STX11: variants seen among roughly 807,000 people sequenced by gnomAD.
STX11 encodes the protein syntaxin-11.
In STX11, 21 loss-of-function variants were observed where a neutral mutation model predicts 19.9. The observed-to-expected ratio is 1.06, with a 90% confidence interval of 0.75 to 1.52. STX11 has a LOEUF of 1.52. Among genes scored for constraint, STX11 ranks in the 40% most tolerant of loss-of-function variants. The probability of loss-of-function intolerance (pLI) is 0.00; values close to 1 mark genes in which losing one functional copy is unlikely to be tolerated. For missense variants in STX11, 438 were observed against 405.9 expected (o/e 1.08, Z -0.68); for synonymous variants, 193 against 174.4 (o/e 1.11, Z -0.84).
At chr6:144,142,580 C>T in the STX11 span, among the ~76,000 whole-genome samples, 13 of 151,890 alleles carry the variant, frequency 8.6e-5, no homozygotes, top group Middle Eastern at 3.4e-3. Context: ...AATACTATTC[C>T]GCCATAAAAG....
the STX11 span, among the ~76,000 whole-genome samples, chr6:144,140,454 C>T: frequency 2.0e-5 from 3 of 151,566 alleles, no homozygotes; most frequent in African/African-American, 2.4e-5. Context: ...GGGGTTTCGC[C>T]GTGTTGGCCA....
At position 144,190,100 on chromosome 6, in the gene STX11, T is replaced by C. The variant is rs895170602; in HGVS notation, c.*2609T>C. ...GGAGAGTTCGGTACAGACTGTCCAT[T>C]ACTGCACCAAAAGAATGAGTGAACT... On this transcript the variant is annotated 3_prime_UTR_variant, in exon 2 of 2. Transcript: ENST00000367568. Among the ~76,000 whole-genome samples, 1 of 152,248 alleles carries C rather than the reference T, an allele frequency of 6.6e-6. No individual in the cohort carries two copies. The highest frequency in any genetic ancestry group is 2.4e-5 in the African/African-American group (1 of 41,468).
chr6:144,150,770 G>T, intron 1 of STX11, 67 bp downstream of exon 1: 1 of 917,398 alleles, frequency 1.1e-6, no homozygotes, highest in Non-Finnish European at 1.3e-6. Flanking sequence ...CGGAGAGATC[G>T]GGGAGGGCGG....
rs556313030 is a variant in STX11, at chr6:144,152,544, C to G, written c.-6+1841C>G. The stretch of plus-strand genomic sequence containing the variant: ...TTTAATAACCATGTAAAACGAAATT[C>G]AGCTGATTATCACCCCTGGACAATT... On this transcript the variant is annotated intron_variant, in intron 1 of 1. Transcript: ENST00000367568. This position sits in a 1 kb window ranked among gnomAD's most constrained non-coding sequence, Gnocchi z 4.9. Among the ~76,000 whole-genome samples, 48 of 152,170 alleles carry G rather than the reference C, an allele frequency of 3.2e-4. No individual in the cohort carries two copies. Among genetic ancestry groups the G allele is most frequent in the Non-Finnish European group, 6.2e-4 (42 of 68,024 alleles).
chr6:144,145,250 C>A, the STX11 span, among the ~76,000 whole-genome samples: 2 of 152,178 alleles, frequency 1.3e-5, no homozygotes, highest in Non-Finnish European at 2.9e-5. Context: ...ATGCTACATA[C>A]AGCATGGATA....
At chr6:144,147,239 T>C (rs1800892956), upstream of STX11, among the ~76,000 whole-genome samples, 1 of 152,130 alleles carries the variant, frequency 6.6e-6, no homozygotes, top group Non-Finnish European at 1.5e-5. This position sits in a 1 kb window ranked among gnomAD's most constrained non-coding sequence, Gnocchi z 4.2. Flanking sequence ...TCATCTGATG[T>C]TTTTATTCTT....
At chr6:144,143,134 C>T in the STX11 span, among the ~76,000 whole-genome samples, 1 of 152,036 alleles carries the variant, frequency 6.6e-6, no homozygotes, top group African/African-American at 2.4e-5. Flanking sequence ...AAAAGATTTG[C>T]CTGTGAATCT....
Position 144,151,427 on chromosome 6 carries a change from G to A in STX11, c.-6+724G>A, listed in dbSNP as rs1176943600. ...ACAGGTATCCAAAAATGAGTCACAG[G>A]GCTGCTCTCTTAATTGTGAGACTTT... On this transcript the variant is annotated intron_variant, in intron 1 of 1. Transcript: ENST00000367568. The surrounding 1 kb of genome is among the most constrained non-coding windows in gnomAD (Gnocchi z 4.6). 1 of 985,206 alleles carries A rather than the reference G, an allele frequency of 1.0e-6. No individual in the cohort carries two copies. Among genetic ancestry groups the A allele is most frequent in the Non-Finnish European group, 1.2e-6 (1 of 829,902 alleles). The allele number at this position is 985,206 out of a possible 1,614,324, so 61.0% of individuals were successfully genotyped here.
Position 144,188,466 on chromosome 6 carries a change from A to G in STX11, c.*975A>G. The G allele has an allele frequency of 4.5e-6, 1 of 220,690 alleles. No homozygotes were observed. The allele number at this position is 220,690 out of a possible 1,614,324, so 13.7% of individuals were successfully genotyped here. A position where few individuals can be genotyped will look rare whatever the true frequency, so the allele number is the denominator to read the frequency against. On this transcript the variant is annotated 3_prime_UTR_variant, in exon 2 of 2. Transcript: ENST00000367568. ...TTTGGGTCAAACTTCATGTTAAACA[A>G]CTCTGCATTGGTTATGGCGGTAGAC...
rs1562672590 is a variant in STX11, at chr6:144,188,685, T to G, written c.*1194T>G. Among the ~76,000 whole-genome samples, 1 of 151,918 alleles carries G rather than the reference T, an allele frequency of 6.6e-6. No homozygotes were observed. Among genetic ancestry groups the G allele is most frequent in the Non-Finnish European group, 1.5e-5 (1 of 68,000 alleles). ...TTTATACATTTCTGGCTTGACCATT[T>G]AGTTTACTTTCTCAATTATTGTTAA... On this transcript the variant is annotated 3_prime_UTR_variant, in exon 2 of 2. Transcript: ENST00000367568.
Position 144,180,692 on chromosome 6 carries a change from T to G in STX11, c.-5-5931T>G, listed in dbSNP as rs1005469664. Among the ~76,000 whole-genome samples, 1 of 152,206 alleles carries G rather than the reference T, an allele frequency of 6.6e-6. No homozygotes were observed. Among genetic ancestry groups the G allele is most frequent in the African/African-American group, 2.4e-5 (1 of 41,448 alleles). On this transcript the variant is annotated intron_variant, in intron 1 of 1. Coordinates refer to ENST00000367568, the MANE Select transcript of STX11 (RefSeq NM_003764.4). The surrounding 1 kb of genome is among the most constrained non-coding windows in gnomAD (Gnocchi z 5.3). ...GTCTTGGGTATGTCTTTATCAGCAG[T>G]GTGAAAATGGACTAATACAATGTGA...
upstream of STX11, among the ~76,000 whole-genome samples, chr6:144,148,172 A>C (rs1437961499): frequency 2.6e-5 from 4 of 152,118 alleles, no homozygotes; most frequent in Non-Finnish European, 5.9e-5. Context: ...AAATGTAAAG[A>C]CTATCATGAC....
chr6:144,140,245 TATA>T, the STX11 span, among the ~76,000 whole-genome samples: 11 of 49,966 alleles, frequency 2.2e-4, no homozygotes, highest in African/African-American at 1.6e-3. Flanking sequence ...TATATATATA[TATA>T]TATATATTTA....
chr6:144,157,630 A>C (rs1164743549), intron 1 of STX11, among the ~76,000 whole-genome samples: 1 of 152,152 alleles, frequency 6.6e-6, no homozygotes, highest in Non-Finnish European at 1.5e-5. Flanking sequence ...AAGTAGTCTT[A>C]ATCCTAAGAA....
intron 1 of STX11, 110 bp from the exon 2 acceptor site, chr6:144,186,513 C>G: frequency 7.2e-7 from 1 of 1,388,292 alleles, no homozygotes; most frequent in Non-Finnish European, 1.0e-6. Flanking sequence ...TTGCCCACAC[C>G]GAGGAATACA....
At chr6:144,143,717 G>A in the STX11 span, among the ~76,000 whole-genome samples, 9 of 152,200 alleles carry the variant, frequency 5.9e-5, no homozygotes, top group African/African-American at 1.7e-4. Flanking sequence ...GTCAGAGAAC[G>A]GGTGGGAGGG....
Position 144,177,607 on chromosome 6 carries a change from G to A in STX11, c.-5-9016G>A, listed in dbSNP as rs376090879. Among the ~76,000 whole-genome samples, 2 of 152,244 alleles carry A rather than the reference G, an allele frequency of 1.3e-5. No homozygotes were observed. The highest frequency in any genetic ancestry group is 2.4e-5 in the African/African-American group (1 of 41,548). ...ACTAAAAACACACAAAAAATTAGCC[G>A]GGTGTGGTGGTGCACACCTGTAATC... On this transcript the variant is annotated intron_variant, in intron 1 of 1. Coordinates refer to ENST00000367568, the MANE Select transcript of STX11 (RefSeq NM_003764.4). This position sits in a 1 kb window ranked among gnomAD's most constrained non-coding sequence, Gnocchi z 4.4.
At chr6:144,161,664 G>A (rs1365975127) in intron 1 of STX11, among the ~76,000 whole-genome samples, 2 of 152,086 alleles carry the variant, frequency 1.3e-5, no homozygotes, top group Non-Finnish European at 2.9e-5. Context: ...CACCGCACCC[G>A]GCCGGAAAAT....
rs533528909 is a variant in STX11 at position 144,177,633 on chromosome 6, C to G, written c.-5-8990C>G. 6.6e-6 allele frequency among the ~76,000 whole-genome samples: 1 copy of G among 152,112 alleles called. No individual in the cohort carries two copies. Among genetic ancestry groups the G allele is most frequent in the Admixed American group, 6.5e-5 (1 of 15,272 alleles). On this transcript the variant is annotated intron_variant, in intron 1 of 1. Transcript: ENST00000367568. This position sits in a 1 kb window ranked among gnomAD's most constrained non-coding sequence, Gnocchi z 4.4. ...GGTGTGGTGGTGCACACCTGTAATC[C>G]CAGCTACTCAGGAGGCTGAGGCAGG... is the stretch of plus-strand genomic sequence containing the variant.
Sources: allele counts gnomAD v4.1 joint callset (sites outside exome capture counted in the v4.1 genomes callset), GRCh38; gene constraint gnomAD v4.1.1; non-coding constraint Gnocchi (gnomAD v3.1); transcripts MANE v1.5; gene names NCBI Gene and HGNC (gene_info 2026-07-23, HGNC 2026-07-21).